EPSTI1: variants seen among roughly 807,000 people sequenced by gnomAD.
EPSTI1 encodes epithelial-stromal interaction protein 1.
A neutral mutation model predicts 49.9 loss-of-function variants in EPSTI1; 66 were observed. The ratio of observed to expected loss-of-function variants is 1.32; its 90% CI spans 1.08 to 1.62. The LOEUF is 1.62. EPSTI1 is among the 40% of genes most tolerant of loss of function. EPSTI1 has a pLI of 0.00. For missense variants in EPSTI1, 394 were observed against 365.5 expected (o/e 1.08, Z -0.64); for synonymous variants, 137 against 130.7 (o/e 1.05, Z -0.33).
At chr13:42,888,562 T>C in intron 10 of EPSTI1, 60 bp from the exon 11 acceptor site, 1 of 1,532,848 alleles carries the variant, frequency 6.5e-7, no homozygotes, top group Non-Finnish European at 8.8e-7. Flanking sequence ...AAAGCCTTTG[T>C]AGTCAAAAAT....
chr13:42,905,768 C>G (rs543151643), intron 8 of EPSTI1, among the ~76,000 whole-genome samples: 1 of 152,184 alleles, frequency 6.6e-6, no homozygotes, highest in Non-Finnish European at 1.5e-5. Context: ...GAGGCAGACA[C>G]ACCCAGAAAC....
rs1025401343 is a variant in EPSTI1, at chr13:42,917,708, T to C, written c.658-84A>G. Reference sequence around the variant, plus strand: ...TCACAGTACACCAAGCTGCCTACTATAGGCCCGGTGCTAATAACTCAACCT... The same window carrying C: ...TCACAGTACACCAAGCTGCCTACTACAGGCCCGGTGCTAATAACTCAACCT... On this transcript the variant is annotated intron_variant, in intron 7 of 10. Coordinates refer to ENST00000313624, the MANE Select transcript of EPSTI1 (RefSeq NM_033255.5). The C allele has an allele frequency of 1.5e-5, 15 of 989,166 alleles. No individual in the cohort carries two copies. In the Admixed American group the frequency reaches 3.0e-4, roughly 20 times the overall value. 61.3% of individuals were successfully genotyped at this position (989,166 alleles called of 1,614,324 possible). A position where few individuals can be genotyped will look rare whatever the true frequency, so the allele number is the denominator to read the frequency against.
intron 6 of EPSTI1, chr13:42,934,857 A>C (rs1379755726): frequency 5.2e-6 from 1 of 190,736 alleles, no homozygotes; most frequent in Non-Finnish European, 1.2e-5. Flanking sequence ...TCTACCTGCC[A>C]TTCCAAATAA....
intron 6 of EPSTI1, among the ~76,000 whole-genome samples, chr13:42,950,376 A>C (rs978827559): frequency 6.6e-6 from 1 of 152,230 alleles, no homozygotes; most frequent in African/African-American, 2.4e-5. Context: ...GGGCAGATTA[A>C]TGCGTACAAT....
intron 8 of EPSTI1, among the ~76,000 whole-genome samples, chr13:42,906,495 A>G (rs544117483): frequency 6.6e-6 from 1 of 152,364 alleles, no homozygotes; most frequent in African/African-American, 2.4e-5. Context: ...TTCTCCCAGG[A>G]GAGCCTGTTC....
chr13:42,950,297 T>C (rs2039055411), intron 6 of EPSTI1, among the ~76,000 whole-genome samples: 1 of 152,208 alleles, frequency 6.6e-6, no homozygotes, highest in African/African-American at 2.4e-5. Context: ...AGAGGTCTTT[T>C]CATAAAAACC....
chr13:42,917,755 C>T (rs2037880268), intron 7 of EPSTI1, 131 bp from the exon 8 acceptor site: 1 of 607,860 alleles, frequency 1.6e-6, no homozygotes, highest in African/African-American at 1.8e-5. Flanking sequence ...ATATAGTAAG[C>T]TCTCCATACA....
Position 42,888,105 on chromosome 13 carries a change from C to CT in EPSTI1, c.*388dup, listed in dbSNP as rs11385952. 0.44 allele frequency: 418,184 copies of CT among 950,700 alleles called. 96,244 individuals are homozygous for CT. Among genetic ancestry groups the CT allele is most frequent in the South Asian group, 0.68 (30,711 of 45,478 alleles). 58.9% of individuals were successfully genotyped at this position (950,700 alleles called of 1,614,324 possible). A position where few individuals can be genotyped will look rare whatever the true frequency, so the allele number is the denominator to read the frequency against. Reference sequence around the variant, plus strand: ...TTAAAATCTAAAAAGACCCCCAAAGCTTTCAAAACCTGATCTGAGAATTAG... The same window carrying CT: ...TTAAAATCTAAAAAGACCCCCAAAGCTTTTCAAAACCTGATCTGAGAATTAG... On this transcript the variant is annotated 3_prime_UTR_variant, in exon 11 of 11. Coordinates refer to ENST00000313624, the MANE Select transcript of EPSTI1 (RefSeq NM_033255.5).
chr13:42,973,278 G>GAGA (rs1215731004), intron 1 of EPSTI1, among the ~76,000 whole-genome samples: 1 of 152,206 alleles, frequency 6.6e-6, no homozygotes, highest in Non-Finnish European at 1.5e-5. Context: ...GTAGCTTACA[G>GAGA]GTACCTAATA....
intron 5 of EPSTI1, among the ~76,000 whole-genome samples, chr13:42,962,512 G>A (rs1232898442): frequency 6.6e-6 from 1 of 151,754 alleles, no homozygotes; most frequent in African/African-American, 2.4e-5. Flanking sequence ...GCTCATTCCT[G>A]TAATCCCAGC....
At chr13:42,889,857 T>G (rs1051980922) in intron 10 of EPSTI1, among the ~76,000 whole-genome samples, 1 of 152,234 alleles carries the variant, frequency 6.6e-6, no homozygotes, top group Non-Finnish European at 1.5e-5. Flanking sequence ...AGCTCTATTT[T>G]ATAAACAGCC....
At chr13:42,969,060 C>T in intron 3 of EPSTI1, 34 bp downstream of exon 3, 1 of 1,610,982 alleles carries the variant, frequency 6.2e-7, no homozygotes. Context: ...TGGCCCCGCC[C>T]TCCCTCATTC....
intron 8 of EPSTI1, among the ~76,000 whole-genome samples, chr13:42,909,769 TG>T (rs998587364): frequency 1.3e-5 from 2 of 151,920 alleles, no homozygotes; most frequent in Non-Finnish European, 2.9e-5. Flanking sequence ...TACCAGAGGC[TG>T]GGGGGGTTAG....
chr13:42,938,331 A>C (rs1381253685), intron 6 of EPSTI1, among the ~76,000 whole-genome samples: 2 of 152,094 alleles, frequency 1.3e-5, no homozygotes. Flanking sequence ...AGCAGGTCTT[A>C]TTAGTGGGCT....
intron 6 of EPSTI1, among the ~76,000 whole-genome samples, chr13:42,930,813 G>C (rs1201013115): frequency 6.6e-6 from 1 of 152,148 alleles, no homozygotes; most frequent in Non-Finnish European, 1.5e-5. Context: ...GAATTGTCAG[G>C]TATGTATCCT....
At chr13:42,899,271 T>C (rs1259807902) in intron 9 of EPSTI1, among the ~76,000 whole-genome samples, 1 of 151,812 alleles carries the variant, frequency 6.6e-6, no homozygotes, top group Non-Finnish European at 1.5e-5. Flanking sequence ...TACTTTATAA[T>C]AAATAAGTAG....
chr13:42,898,128 G>A (rs1217709362), intron 9 of EPSTI1, among the ~76,000 whole-genome samples: 2 of 152,136 alleles, frequency 1.3e-5, no homozygotes, highest in African/African-American at 2.4e-5. Flanking sequence ...CTCATTACAG[G>A]TTCATTGAAA....
intron 5 of EPSTI1, among the ~76,000 whole-genome samples, chr13:42,955,882 G>GCGGA (rs940832591): frequency 6.9e-6 from 1 of 144,506 alleles, no homozygotes; most frequent in Admixed American, 6.9e-5. Context: ...GTATTTGGGG[G>GCGGA]GGGGGGGAAG....
intron 6 of EPSTI1, among the ~76,000 whole-genome samples, chr13:42,943,633 A>C (rs2153426209): frequency 6.6e-6 from 1 of 152,342 alleles, no homozygotes; most frequent in Non-Finnish European, 1.5e-5. Flanking sequence ...TCCAGTGATA[A>C]GAAAACCAAG....
Sources: gnomAD v4.1 joint callset for allele counts (sites outside exome capture counted in the v4.1 genomes callset) on GRCh38, gnomAD v4.1.1 for gene constraint, MANE v1.5 for transcripts, NCBI Gene and HGNC (gene_info 2026-07-23, HGNC 2026-07-21) for gene names.